The following ZBTB20 variants were observed in gnomAD, a reference collection of about 807,000 sequenced individuals.
The protein encoded by ZBTB20 is zinc finger and BTB domain-containing protein 20.
In ZBTB20, 9 loss-of-function variants were observed where a neutral mutation model predicts 56.9. That is an observed-to-expected ratio of 0.16 (90% CI 0.10 to 0.28). The LOEUF (loss-of-function observed/expected upper bound fraction) is 0.28, where lower values mean the gene tolerates loss of function less well. ZBTB20 is among the 10% of genes least tolerant of loss of function. The probability of loss-of-function intolerance (pLI) is 1.00; values close to 1 mark genes in which losing one functional copy is unlikely to be tolerated. For missense variants in ZBTB20, 655 were observed against 1,003.0 expected (o/e 0.65, Z 4.69); for synonymous variants, 417 against 420.7 (o/e 0.99, Z 0.11).
intron 1 of ZBTB20, among the ~76,000 whole-genome samples, chr3:115,112,925 T>C (rs746614585): frequency 3.9e-5 from 6 of 152,148 alleles, no homozygotes; most frequent in Non-Finnish European, 8.8e-5. Flanking sequence ...TGTATAAGAG[T>C]TCCCTTTTCT....
At chr3:114,959,752 CTT>C (rs150089825) in intron 3 of ZBTB20, among the ~76,000 whole-genome samples, 2,931 of 147,102 alleles carry the variant, frequency 0.02, 35 homozygotes, top group South Asian at 0.031. Flanking sequence ...CACACACACA[CTT>C]GGAGACTCTC....
At position 114,350,909 on chromosome 3, in the gene ZBTB20, A is replaced by G. The variant is rs1576284198; in HGVS notation, c.1169T>C (p.Val390Ala). 1 of 1,605,492 alleles carries G rather than the reference A, an allele frequency of 6.2e-7. No homozygotes were observed. The highest frequency in any genetic ancestry group is 1.7e-5 in the Admixed American group (1 of 59,916). ...CGCCCCAGGCCCAAACTGCTGCTCC[A>G]CCGAGTCAGGCTCGGTGCCTATGGA... ...SSSIGTEPDS[V>A]EQQFGPGAAR... The change falls in exon 11 of 12, where the codon GTG becomes GCG. Residue 390 changes from valine to alanine, a missense_variant. Physicochemically the swap from Val to Ala is moderately conservative, Grantham distance 64 (BLOSUM62 0). Around this residue, in one of 10 missense-constraint regions of ZBTB20, gnomAD observed 156 missense variants for 181.0 expected, o/e 0.86. Coordinates refer to ENST00000675478, the MANE Select transcript of ZBTB20 (RefSeq NM_001348800.3).
At chr3:114,461,474 T>G (rs2092329026) in intron 7 of ZBTB20, among the ~76,000 whole-genome samples, 1 of 152,036 alleles carries the variant, frequency 6.6e-6, no homozygotes, top group African/African-American at 2.4e-5. Flanking sequence ...GCCAGGCTAA[T>G]TTTTAAATTT....
chr3:115,068,708 C>T (rs2082297460), intron 2 of ZBTB20, among the ~76,000 whole-genome samples: 1 of 152,046 alleles, frequency 6.6e-6, no homozygotes, highest in South Asian at 2.1e-4. Flanking sequence ...AATAGTGATA[C>T]TTATAATATT....
At chr3:114,954,667 T>A (rs1395367334) in intron 3 of ZBTB20, among the ~76,000 whole-genome samples, 4 of 152,206 alleles carry the variant, frequency 2.6e-5, no homozygotes, top group Non-Finnish European at 5.9e-5. Context: ...AGTGCCAGCA[T>A]GCTTCAATGA....
chr3:114,566,032 A>G (rs2052701095), intron 6 of ZBTB20, among the ~76,000 whole-genome samples: 1 of 150,896 alleles, frequency 6.6e-6, no homozygotes, highest in African/African-American at 2.4e-5. Context: ...AAAAGAAACC[A>G]ATCCCCCTAC....
intron 6 of ZBTB20, among the ~76,000 whole-genome samples, chr3:114,562,973 A>G (rs2052270811): frequency 6.6e-6 from 1 of 152,236 alleles, no homozygotes; most frequent in Non-Finnish European, 1.5e-5. Context: ...TAAAAAGTTT[A>G]AAATATTGCC....
At position 114,630,147 on chromosome 3, in the gene ZBTB20, A is replaced by G. The variant is rs370973049; in HGVS notation, c.-295+63381T>C. ...AAAGCGAGACCTTGTCTTAAAAAAT[A>G]AAAAAGAATAGAAGAATAACAAATG... On this transcript the variant is annotated intron_variant, in intron 6 of 11. Coordinates refer to ENST00000675478, the MANE Select transcript of ZBTB20 (RefSeq NM_001348800.3). Among the ~76,000 whole-genome samples, 4 of 152,198 alleles carry G rather than the reference A, an allele frequency of 2.6e-5. No individual in the cohort carries two copies. In the East Asian group the frequency reaches 5.8e-4, roughly 22 times the overall value.
intron 6 of ZBTB20, among the ~76,000 whole-genome samples, chr3:114,541,890 T>C (rs926176784): frequency 2.0e-5 from 3 of 152,134 alleles, no homozygotes; most frequent in East Asian, 3.8e-4. Context: ...CTTGTAGGAT[T>C]ATTAGGAAGA....
At chr3:114,428,563 C>T (rs1187352044) in intron 7 of ZBTB20, among the ~76,000 whole-genome samples, 1 of 152,106 alleles carries the variant, frequency 6.6e-6, no homozygotes, top group African/African-American at 2.4e-5. Flanking sequence ...GTCTGGCTGC[C>T]CCCACCATGT....
At chr3:114,528,309 C>T (rs1213879733) in intron 6 of ZBTB20, among the ~76,000 whole-genome samples, 1 of 152,094 alleles carries the variant, frequency 6.6e-6, no homozygotes, top group Non-Finnish European at 1.5e-5. Flanking sequence ...CTTTTGTTCC[C>T]TTTTTCTTTG....
intron 6 of ZBTB20, among the ~76,000 whole-genome samples, chr3:114,649,997 ACT>A (rs2060045485): frequency 6.6e-6 from 1 of 151,854 alleles, no homozygotes; most frequent in Non-Finnish European, 1.5e-5. Flanking sequence ...CACTACACAA[ACT>A]CTGCCACACA....
chr3:114,787,510 G>A (rs2070645906), intron 5 of ZBTB20, among the ~76,000 whole-genome samples: 1 of 150,404 alleles, frequency 6.6e-6, no homozygotes, highest in Non-Finnish European at 1.5e-5. Context: ...CCATTTATAT[G>A]ACAACTCTTG....
intron 7 of ZBTB20, chr3:114,453,524 G>A (rs535211251): frequency 6.6e-6 from 1 of 152,212 alleles, no homozygotes; most frequent in South Asian, 2.1e-4. Flanking sequence ...AGTAGAAGAT[G>A]TTCTAGTCAC....
At chr3:114,639,584 AT>A (rs1228734678) in intron 6 of ZBTB20, among the ~76,000 whole-genome samples, 2 of 151,850 alleles carry the variant, frequency 1.3e-5, no homozygotes, top group Admixed American at 6.6e-5. Flanking sequence ...GCAAACTGAC[AT>A]TTTTTTAGGA....
At position 114,960,764 on chromosome 3, in the gene ZBTB20, C is replaced by A. The variant is rs59826926; in HGVS notation, c.-456+13602G>T. On this transcript the variant is annotated intron_variant, in intron 3 of 11. Coordinates refer to ENST00000675478, the MANE Select transcript of ZBTB20 (RefSeq NM_001348800.3). ...TCATCAGAAGTGCTTTGGATCCAGTCTTAGGGAGATCCAACATTTAATAGC... is the reference window on the plus strand; with the variant it reads ...TCATCAGAAGTGCTTTGGATCCAGTATTAGGGAGATCCAACATTTAATAGC... Among the ~76,000 whole-genome samples, 9 of 152,062 alleles carry A rather than the reference C, an allele frequency of 5.9e-5. No homozygotes were observed. In the South Asian group the frequency reaches 1.9e-3, roughly 32 times the overall value.
chr3:114,380,397 GTT>G lies in ZBTB20; in HGVS notation c.17_18del (p.Lys6ThrfsTer5), dbSNP rs2084172632. The G allele has an allele frequency of 6.6e-7, 1 of 1,524,674 alleles. No individual in the cohort carries two copies. Among genetic ancestry groups the G allele is most frequent in the African/African-American group, 1.4e-5 (1 of 72,340 alleles). 94.4% of individuals were successfully genotyped at this position (1,524,674 alleles called of 1,614,324 possible). On this transcript the variant is annotated frameshift_variant, in exon 10 of 12. Transcript: ENST00000675478. LOFTEE classifies it high-confidence loss of function. ...GCCTTCTGGTTTTCAGCTGTCTTGG[GTT>G]TCTTCCTGAAAATAAACAAAGGGCC... is the stretch of plus-strand genomic sequence containing the variant. The part of the protein sequence containing the change: MLERK[K>X]PKTAENQKAS...
At chr3:114,621,809 GA>G (rs2058340632) in intron 6 of ZBTB20, among the ~76,000 whole-genome samples, 1 of 152,024 alleles carries the variant, frequency 6.6e-6, no homozygotes, top group South Asian at 2.1e-4. Context: ...TCAAGGTATT[GA>G]AAAAATAAGT....
At chr3:114,733,127 T>C (rs554752728) in intron 5 of ZBTB20, among the ~76,000 whole-genome samples, 17 of 152,174 alleles carry the variant, frequency 1.1e-4, no homozygotes, top group Non-Finnish European at 2.5e-4. Context: ...TAAACACATA[T>C]ATTATAAAAA....
Sources: allele counts gnomAD v4.1 joint callset (sites outside exome capture counted in the v4.1 genomes callset), GRCh38; gene constraint gnomAD v4.1.1; regional missense constraint gnomAD v4.1.1; transcripts MANE v1.5; gene names NCBI Gene and HGNC (gene_info 2026-07-23, HGNC 2026-07-21).